HIBADH: variants seen among roughly 807,000 people sequenced by gnomAD.
The protein encoded by HIBADH is 3-hydroxyisobutyrate dehydrogenase.
HIBADH carries 25 observed loss-of-function variants against 36.1 expected under a neutral mutation model. The ratio of observed to expected loss-of-function variants is 0.69; its 90% CI spans 0.50 to 0.97. HIBADH has a LOEUF of 0.97. Among genes scored for constraint, HIBADH ranks in the 50% least tolerant of loss-of-function variants. The probability of loss-of-function intolerance (pLI) is 0.00; values close to 1 mark genes in which losing one functional copy is unlikely to be tolerated. For synonymous variants in HIBADH, 160 were observed against 149.5 expected (o/e 1.07, Z -0.51); for missense variants, 421 against 418.0 (o/e 1.01, Z -0.06).
chr7:27,562,380 AATTTAT>A (rs1324105308), intron 4 of HIBADH, among the ~76,000 whole-genome samples: 1 of 152,190 alleles, frequency 6.6e-6, no homozygotes, highest in Admixed American at 6.5e-5. Flanking sequence ...TTAATTCCAC[AATTTAT>A]ATTTTATTTT....
chr7:27,547,474 C>T (rs972862967), intron 4 of HIBADH, among the ~76,000 whole-genome samples: 4 of 152,154 alleles, frequency 2.6e-5, no homozygotes, highest in Admixed American at 2.6e-4. Context: ...TCCATGAGGG[C>T]AGTGATTGTT....
intron 2 of HIBADH, among the ~76,000 whole-genome samples, chr7:27,638,508 A>G (rs1425180770): frequency 2.6e-5 from 4 of 152,106 alleles, no homozygotes; most frequent in Non-Finnish European, 5.9e-5. Flanking sequence ...AACCTAGGAA[A>G]TACTGTTTCT....
chr7:27,593,409 T>C (rs1343689524), intron 4 of HIBADH, among the ~76,000 whole-genome samples: 2 of 152,154 alleles, frequency 1.3e-5, no homozygotes, highest in Admixed American at 6.5e-5. Context: ...CCTATTCTGA[T>C]TGCTCACTTT....
chr7:27,603,265 A>G (rs60190132), intron 4 of HIBADH, among the ~76,000 whole-genome samples: 5,116 of 152,206 alleles, frequency 0.034, 267 homozygotes, highest in African/African-American at 0.12. Context: ...TGCAATGATG[A>G]TGCTGCTGCA....
intron 1 of HIBADH, among the ~76,000 whole-genome samples, chr7:27,661,096 A>T (rs1379559784): frequency 6.6e-6 from 1 of 152,232 alleles, no homozygotes; most frequent in Non-Finnish European, 1.5e-5. Flanking sequence ...AAAAGTCGGA[A>T]GCATTTTTGT....
chr7:27,642,902 C>T (rs544135008), intron 2 of HIBADH, among the ~76,000 whole-genome samples: 1 of 152,228 alleles, frequency 6.6e-6, no homozygotes, highest in South Asian at 2.1e-4. Context: ...CCGCCCACCT[C>T]GGCCTCCCAA....
At chr7:27,642,676 G>C (rs1185595340) in intron 2 of HIBADH, among the ~76,000 whole-genome samples, 2 of 130,672 alleles carry the variant, frequency 1.5e-5, no homozygotes, top group African/African-American at 5.6e-5. Flanking sequence ...TTTTGAGACG[G>C]AGTCTCGCTC....
intron 4 of HIBADH, among the ~76,000 whole-genome samples, chr7:27,596,890 T>C (rs1206676337): frequency 6.6e-6 from 1 of 152,174 alleles, no homozygotes; most frequent in Non-Finnish European, 1.5e-5. Flanking sequence ...TCAGATTTCA[T>C]ATGCTCAAGC....
intron 2 of HIBADH, among the ~76,000 whole-genome samples, chr7:27,635,862 CTATTA>C (rs1381410789): frequency 6.6e-6 from 1 of 152,190 alleles, no homozygotes; most frequent in Non-Finnish European, 1.5e-5. Flanking sequence ...TTCTACTCTT[CTATTA>C]TCTCAATTTT....
chr7:27,555,266 G>A (rs1487747814), intron 4 of HIBADH, among the ~76,000 whole-genome samples: 1 of 148,624 alleles, frequency 6.7e-6, no homozygotes, highest in Non-Finnish European at 1.5e-5. Context: ...GGTTTCATGA[G>A]AACCAATCAC....
chr7:27,634,746 T>C (rs142589666), intron 2 of HIBADH, among the ~76,000 whole-genome samples: 17 of 152,358 alleles, frequency 1.1e-4, no homozygotes, highest in African/African-American at 4.1e-4. Flanking sequence ...ATAACTCCTT[T>C]AGAGGGGCCC....
intron 4 of HIBADH, among the ~76,000 whole-genome samples, chr7:27,599,919 T>C (rs924775121): frequency 1.3e-5 from 2 of 151,866 alleles, no homozygotes; most frequent in African/African-American, 2.4e-5. Flanking sequence ...GTAAAAGGAA[T>C]GCTATATCAC....
intron 2 of HIBADH, among the ~76,000 whole-genome samples, chr7:27,643,191 C>A (rs1019693621): frequency 1.3e-5 from 2 of 152,204 alleles, no homozygotes; most frequent in Admixed American, 6.5e-5. Context: ...CGAGAAACAT[C>A]TGTTACATTA....
At chr7:27,540,252 G>T (rs1462099187) in intron 5 of HIBADH, among the ~76,000 whole-genome samples, 2 of 152,150 alleles carry the variant, frequency 1.3e-5, no homozygotes, top group African/African-American at 4.8e-5. Flanking sequence ...GAACCGTTCT[G>T]CCATACTGTC....
chr7:27,641,557 T>C (rs778901240), intron 2 of HIBADH, among the ~76,000 whole-genome samples: 3 of 152,222 alleles, frequency 2.0e-5, no homozygotes, highest in Non-Finnish European at 2.9e-5. Flanking sequence ...CTTGGCCTTA[T>C]GGTAATAGAA....
chr7:27,534,847 A>G (rs1784050093), intron 6 of HIBADH, among the ~76,000 whole-genome samples: 1 of 151,680 alleles, frequency 6.6e-6, no homozygotes, highest in South Asian at 2.1e-4. Flanking sequence ...TGTGCCAGAA[A>G]CTATTTAATA....
chr7:27,594,291 G>A (rs910957990), intron 4 of HIBADH, among the ~76,000 whole-genome samples: 1 of 151,630 alleles, frequency 6.6e-6, no homozygotes, highest in Non-Finnish European at 1.5e-5. Context: ...TTACAGACAT[G>A]AGCCACCACG....
At chr7:27,624,787 T>A (rs1303122313) in intron 4 of HIBADH, among the ~76,000 whole-genome samples, 1 of 152,234 alleles carries the variant, frequency 6.6e-6, no homozygotes, top group Non-Finnish European at 1.5e-5. Context: ...CTCTTGGTGT[T>A]ACTTCCACCC....
intron 7 of HIBADH, among the ~76,000 whole-genome samples, chr7:27,528,631 G>T (rs1783948151): frequency 6.6e-6 from 1 of 152,206 alleles, no homozygotes; most frequent in Non-Finnish European, 1.5e-5. Context: ...TGCAGAAGAC[G>T]TGTGAAGCTA....
Sources: gnomAD v4.1 joint callset for allele counts (sites outside exome capture counted in the v4.1 genomes callset) on GRCh38, gnomAD v4.1.1 for gene constraint, MANE v1.5 for transcripts, NCBI Gene and HGNC (gene_info 2026-07-23, HGNC 2026-07-21) for gene names.